The following MECOM variants were observed in gnomAD, a reference collection of about 807,000 sequenced individuals.
MECOM encodes histone-lysine N-methyltransferase MECOM.
A neutral mutation model predicts 116.3 loss-of-function variants in MECOM; 13 were observed. The observed-to-expected ratio is 0.11, with a 90% CI of 0.07 to 0.18. The LOEUF (loss-of-function observed/expected upper bound fraction) is 0.18, where lower values mean the gene tolerates loss of function less well. Among genes scored for constraint, MECOM ranks in the 10% least tolerant of loss-of-function variants. MECOM has a pLI of 1.00. For missense variants in MECOM, 1,299 were observed against 1,509.0 expected (o/e 0.86, Z 2.31); for synonymous variants, 528 against 535.2 (o/e 0.99, Z 0.19).
intron 2 of MECOM, among the ~76,000 whole-genome samples, chr3:169,258,243 G>GAA (rs1256906515): frequency 6.6e-6 from 1 of 151,834 alleles, no homozygotes; most frequent in Non-Finnish European, 1.5e-5. Flanking sequence ...GAAAGAAAAA[G>GAA]AAAAAGTAGA....
chr3:169,498,682 C>T (rs1175300748), intron 1 of MECOM, among the ~76,000 whole-genome samples: 1 of 152,034 alleles, frequency 6.6e-6, no homozygotes, highest in African/African-American at 2.4e-5. Flanking sequence ...AAGAAAATTC[C>T]CATGCAAGAT....
intron 1 of MECOM, among the ~76,000 whole-genome samples, chr3:169,598,031 G>A (rs1399905838): frequency 6.6e-6 from 1 of 152,056 alleles, no homozygotes; most frequent in Non-Finnish European, 1.5e-5. Context: ...TGCCCCTACA[G>A]GAAACCATAA....
At chr3:169,097,471 T>C (rs945073784) in intron 12 of MECOM, among the ~76,000 whole-genome samples, 3 of 152,080 alleles carry the variant, frequency 2.0e-5, no homozygotes, top group African/African-American at 7.2e-5. Context: ...TTCCTAGTTA[T>C]TGGATGTAGA....
At chr3:169,308,073 C>T (rs1718039473) in intron 2 of MECOM, among the ~76,000 whole-genome samples, 1 of 152,208 alleles carries the variant, frequency 6.6e-6, no homozygotes, top group Admixed American at 6.5e-5. Flanking sequence ...ACTGCCATTT[C>T]ACAGCAAGGT....
chr3:169,190,867 A>G (rs944163739), intron 2 of MECOM, among the ~76,000 whole-genome samples: 1 of 152,010 alleles, frequency 6.6e-6, no homozygotes, highest in Non-Finnish European at 1.5e-5. Flanking sequence ...AATCAGTACA[A>G]ATGACTACTC....
intron 1 of MECOM, among the ~76,000 whole-genome samples, chr3:169,384,441 G>A (rs538955861): frequency 9.2e-5 from 14 of 152,150 alleles, no homozygotes; most frequent in Admixed American, 3.3e-4. Flanking sequence ...TAATTTTATC[G>A]TTCAGGGAGA....
chr3:169,467,545 G>A (rs1006458811), intron 1 of MECOM, among the ~76,000 whole-genome samples: 1 of 152,154 alleles, frequency 6.6e-6, no homozygotes, highest in Non-Finnish European at 1.5e-5. Context: ...TACTTTAAGT[G>A]TGTTTTTATA....
intron 1 of MECOM, among the ~76,000 whole-genome samples, chr3:169,526,237 AGGC>A (rs2109114327): frequency 6.6e-6 from 1 of 152,232 alleles, no homozygotes; most frequent in Admixed American, 6.5e-5. Flanking sequence ...TTTTCCAGAT[AGGC>A]GTTTGAGTAA....
intron 2 of MECOM, 151 bp downstream of exon 2, chr3:169,381,036 A>T: frequency 1.4e-6 from 1 of 702,402 alleles, no homozygotes; most frequent in Non-Finnish European, 2.3e-6. Context: ...TGTTTGTATT[A>T]AGAAGTGAGA....
At chr3:169,143,879 C>T (rs1198434243) in intron 2 of MECOM, 47 bp from the exon 3 acceptor site, 9 of 1,498,476 alleles carry the variant, frequency 6.0e-6, no homozygotes, top group Non-Finnish European at 8.0e-6. Flanking sequence ...TTGGCCCACT[C>T]ATTAAAATAA....
At chr3:169,165,827 A>T (rs1016617821) in intron 2 of MECOM, among the ~76,000 whole-genome samples, 2 of 152,206 alleles carry the variant, frequency 1.3e-5, no homozygotes, top group Admixed American at 1.3e-4. Context: ...CCAAGGAAAG[A>T]ATCATGTTAA....
At chr3:169,381,154 A>G in intron 2 of MECOM, 33 bp downstream of exon 2, 1 of 1,546,798 alleles carries the variant, frequency 6.5e-7, no homozygotes, top group Non-Finnish European at 8.8e-7. Context: ...CAGCTGCAAT[A>G]TATAAATGTG....
intron 2 of MECOM, among the ~76,000 whole-genome samples, chr3:169,253,306 C>G (rs956690424): frequency 1.3e-5 from 2 of 151,904 alleles, no homozygotes; most frequent in Non-Finnish European, 2.9e-5. Context: ...TGCTGACCAA[C>G]AAAGGGATCA....
intron 1 of MECOM, among the ~76,000 whole-genome samples, chr3:169,462,406 G>A (rs189891748): frequency 3.2e-4 from 49 of 152,312 alleles, no homozygotes; most frequent in African/African-American, 1.0e-3. Context: ...GCAGGCAGGA[G>A]AGAAAAAAGA....
At position 169,382,863 on chromosome 3, in the gene MECOM, AATAAAAAAAAT is replaced by A. The variant is rs869100585; in HGVS notation, c.38-1350_38-1340del. Among the ~76,000 whole-genome samples, 125 of 84,638 alleles carry A rather than the reference AATAAAAAAAAT, an allele frequency of 1.5e-3. 10 individuals carry two copies. The highest frequency in any genetic ancestry group is 4.2e-3 in the East Asian group (7 of 1,684). The allele number at this position is 84,638 out of a possible 152,430, so 55.5% of individuals were successfully genotyped here. A position where few individuals can be genotyped will look rare whatever the true frequency, so the allele number is the denominator to read the frequency against. On this transcript the variant is annotated intron_variant, in intron 1 of 16. Transcript: ENST00000651503. ...AAAGCCCATCTCAAAAAAAAAAAAAAATAAAAAAAATAAAAAAAGAAGGTAAAATGGGTTGC... is the reference window on the plus strand; with the variant it reads ...AAAGCCCATCTCAAAAAAAAAAAAAAAAAAAAAGAAGGTAAAATGGGTTGC...
At chr3:169,444,297 A>T (rs1361695456) in intron 1 of MECOM, among the ~76,000 whole-genome samples, 2 of 152,116 alleles carry the variant, frequency 1.3e-5, no homozygotes, top group African/African-American at 4.8e-5. Context: ...TTCATGAGCA[A>T]CACTGATATG....
At chr3:169,331,621 A>G (rs1024879160) in intron 2 of MECOM, among the ~76,000 whole-genome samples, 1 of 152,170 alleles carries the variant, frequency 6.6e-6, no homozygotes, top group African/African-American at 2.4e-5. Flanking sequence ...AGAAATCTTA[A>G]ACACATCATT....
At chr3:169,450,582 GAAA>G (rs10711289) in intron 1 of MECOM, among the ~76,000 whole-genome samples, 3 of 146,256 alleles carry the variant, frequency 2.1e-5, no homozygotes, top group East Asian at 4.0e-4. Flanking sequence ...AGGACAAAAC[GAAA>G]AAAAAAAAAT....
chr3:169,471,844 T>C (rs961410922), intron 1 of MECOM, among the ~76,000 whole-genome samples: 1 of 152,204 alleles, frequency 6.6e-6, no homozygotes, highest in Admixed American at 6.5e-5. Flanking sequence ...TATTTAATAG[T>C]TTTCCTTACT....
Sources: allele counts gnomAD v4.1 joint callset (sites outside exome capture counted in the v4.1 genomes callset), GRCh38; gene constraint gnomAD v4.1.1; transcripts MANE v1.5; gene names NCBI Gene and HGNC (gene_info 2026-07-23, HGNC 2026-07-21).